Variants in DNAH11 observed in about 807,000 individuals in gnomAD.
The protein encoded by DNAH11 is dynein axonemal heavy chain 11.
DNAH11 carries 442 observed loss-of-function variants against 526.0 expected under a neutral mutation model. The observed-to-expected ratio is 0.84, with a 90% CI of 0.78 to 0.91. The LOEUF is 0.91. Among genes scored for constraint, DNAH11 ranks in the 40% least tolerant of loss-of-function variants. The pLI is 0.00. For synonymous variants in DNAH11, 2,461 were observed against 1,935.9 expected (o/e 1.27, Z -7.12); for missense variants, 6,989 against 5,448.7 (o/e 1.28, Z -8.90).
chr7:21,839,732 A>C (rs966232086), intron 65 of DNAH11, among the ~76,000 whole-genome samples: 1 of 152,208 alleles, frequency 6.6e-6, no homozygotes, highest in Non-Finnish European at 1.5e-5. Flanking sequence ...AAAGTGAATA[A>C]ATTCACCATT....
intron 45 of DNAH11, among the ~76,000 whole-genome samples, chr7:21,727,472 TCA>T (rs1785177162): frequency 6.6e-6 from 1 of 152,248 alleles, no homozygotes; most frequent in South Asian, 2.1e-4. Context: ...TATTCACGTT[TCA>T]CAGTCATGTG....
At chr7:21,633,747 G>T (rs1041935966) in intron 25 of DNAH11, among the ~76,000 whole-genome samples, 3 of 152,146 alleles carry the variant, frequency 2.0e-5, no homozygotes, top group African/African-American at 7.2e-5. Context: ...GATTAAGGTG[G>T]GCGGAAGACC....
At chr7:21,653,598 C>T (rs1781884031) in intron 28 of DNAH11, among the ~76,000 whole-genome samples, 1 of 152,180 alleles carries the variant, frequency 6.6e-6, no homozygotes, top group Admixed American at 6.5e-5. Context: ...CATCTGTGTA[C>T]TTCCTGGCCA....
intron 35 of DNAH11, among the ~76,000 whole-genome samples, chr7:21,696,480 A>T (rs180985100): frequency 1.1e-4 from 17 of 152,288 alleles, no homozygotes; most frequent in Admixed American, 2.0e-4. Context: ...GAAAAATTCT[A>T]GATAGAGAAT....
intron 35 of DNAH11, among the ~76,000 whole-genome samples, chr7:21,694,835 A>G (rs987374455): frequency 1.3e-5 from 2 of 152,212 alleles, no homozygotes; most frequent in South Asian, 2.1e-4. Context: ...AAGCATTCCT[A>G]TTTCTCCACG....
intron 25 of DNAH11, among the ~76,000 whole-genome samples, chr7:21,635,435 C>T (rs890474182): frequency 4.6e-5 from 7 of 152,168 alleles, no homozygotes; most frequent in African/African-American, 1.2e-4. Flanking sequence ...GGATTACAGG[C>T]GTGAGCCACC....
At chr7:21,874,954 G>A (rs564564159) in intron 74 of DNAH11, among the ~76,000 whole-genome samples, 1 of 152,060 alleles carries the variant, frequency 6.6e-6, no homozygotes, top group Non-Finnish European at 1.5e-5. Context: ...CATTCTCTAC[G>A]AAGCATGTTA....
At chr7:21,617,487 T>C (rs1001783779) in intron 22 of DNAH11, 132 bp from the exon 23 acceptor site, 1 of 1,063,804 alleles carries the variant, frequency 9.4e-7, no homozygotes, top group African/African-American at 1.6e-5. Context: ...TTTTGCTCCT[T>C]GGTCTAGGAG....
chr7:21,563,232 AGG>A (rs1422599240), intron 5 of DNAH11, among the ~76,000 whole-genome samples: 2 of 151,830 alleles, frequency 1.3e-5, no homozygotes, highest in Admixed American at 1.3e-4. Context: ...TTTTGGAGAC[AGG>A]GTCTTGCTCT....
At chr7:21,559,847 C>A in intron 4 of DNAH11, 55 bp downstream of exon 4, 2 of 1,382,930 alleles carry the variant, frequency 1.4e-6, no homozygotes, top group Non-Finnish European at 2.0e-6. Context: ...TCCTGAGCTG[C>A]AATGACCAAT....
chr7:21,882,110 T>C (rs772769276), intron 75 of DNAH11, among the ~76,000 whole-genome samples: 10 of 152,332 alleles, frequency 6.6e-5, no homozygotes, highest in Non-Finnish European at 1.5e-4. Flanking sequence ...CCTTCATAAC[T>C]GTCCTGTGAG....
At chr7:21,633,657 G>T (rs1040490333) in intron 25 of DNAH11, among the ~76,000 whole-genome samples, 1 of 152,138 alleles carries the variant, frequency 6.6e-6, no homozygotes, top group Non-Finnish European at 1.5e-5. Flanking sequence ...ATGAACACTT[G>T]TTCTCTAGGA....
At chr7:21,885,519 ATAAG>A (rs1349120277) in intron 76 of DNAH11, among the ~76,000 whole-genome samples, 1 of 152,242 alleles carries the variant, frequency 6.6e-6, no homozygotes, top group Middle Eastern at 3.4e-3. Context: ...GAAAGGAAGA[ATAAG>A]TAAGTTCTCG....
chr7:21,571,271 C>T (rs558468858), intron 7 of DNAH11, among the ~76,000 whole-genome samples: 53 of 152,060 alleles, frequency 3.5e-4, no homozygotes, highest in African/African-American at 1.1e-3. Context: ...GCTTCTACTG[C>T]GAGATAGTTT....
chr7:21,584,412 A>T (rs1441925655), intron 9 of DNAH11, among the ~76,000 whole-genome samples: 2 of 152,122 alleles, frequency 1.3e-5, no homozygotes, highest in Non-Finnish European at 2.9e-5. Context: ...GGAACATCAC[A>T]CACCAGGGGA....
chr7:21,844,870 A>G (rs1782355009), intron 66 of DNAH11, among the ~76,000 whole-genome samples: 1 of 152,180 alleles, frequency 6.6e-6, no homozygotes, highest in South Asian at 2.1e-4. Flanking sequence ...AAGGCTGGGT[A>G]TCAGTGGATA....
At chr7:21,820,103 A>G in intron 65 of DNAH11, among the ~76,000 whole-genome samples, 1 of 152,158 alleles carries the variant, frequency 6.6e-6, no homozygotes, top group East Asian at 1.9e-4. Flanking sequence ...TCCCTCTTCC[A>G]TGCAGATGTT....
rs756045940 is a variant in DNAH11 at position 21,588,053 on chromosome 7, G to T, written c.1711-11G>T. ...TAGTGCTTAATGTTGCCTTCACTTT[G>T]ATTTTTATAGCTTTTGACCATATTT... On this transcript the variant is annotated splice_polypyrimidine_tract_variant and intron_variant, in intron 9 of 81. Transcript: ENST00000409508. 6.2e-7 allele frequency: 1 copy of T among 1,612,032 alleles called. No individual in the cohort carries two copies. Among genetic ancestry groups the T allele is most frequent in the South Asian group, 1.1e-5 (1 of 90,836 alleles).
At chr7:21,826,434 G>C (rs1382960884) in intron 65 of DNAH11, among the ~76,000 whole-genome samples, 1 of 152,102 alleles carries the variant, frequency 6.6e-6, no homozygotes, top group Non-Finnish European at 1.5e-5. Context: ...AGAAAATTAA[G>C]GGGAAAATGT....
Sources: allele counts gnomAD v4.1 joint callset (sites outside exome capture counted in the v4.1 genomes callset), GRCh38; gene constraint gnomAD v4.1.1; transcripts MANE v1.5; gene names NCBI Gene and HGNC (gene_info 2026-07-23, HGNC 2026-07-21).